Variants in IDE observed in about 807,000 individuals in gnomAD.
IDE encodes insulin degrading enzyme, also known as insulin-degrading enzyme.
In IDE, 58 loss-of-function variants were observed where a neutral mutation model predicts 133.2. The ratio of observed to expected loss-of-function variants is 0.44; its 90% CI spans 0.35 to 0.54. The LOEUF (loss-of-function observed/expected upper bound fraction) is 0.54. Ranked by LOEUF, IDE falls within the 20% of genes least tolerant of loss-of-function variation. The pLI is 0.00. For missense variants in IDE, 981 were observed against 1,234.0 expected (o/e 0.79, Z 3.07); for synonymous variants, 396 against 421.3 (o/e 0.94, Z 0.73).
chr10:92,530,619 C>T (rs1849871135), intron 4 of IDE, among the ~76,000 whole-genome samples: 1 of 152,146 alleles, frequency 6.6e-6, no homozygotes, highest in Non-Finnish European at 1.5e-5. Flanking sequence ...ACATTCCATT[C>T]TTGACATACC....
intron 4 of IDE, among the ~76,000 whole-genome samples, chr10:92,527,886 C>T (rs556898523): frequency 3.9e-5 from 6 of 152,164 alleles, no homozygotes; most frequent in South Asian, 4.1e-4. Context: ...CGTGGTGGCA[C>T]GTGCCTGTAA....
intron 13 of IDE, among the ~76,000 whole-genome samples, 166 bp downstream of exon 13, chr10:92,487,030 C>T (rs373801745): frequency 2.0e-5 from 3 of 152,146 alleles, no homozygotes; most frequent in Admixed American, 2.0e-4. Context: ...ATATTTTTAA[C>T]CTTCTAATAT....
At chr10:92,529,060 G>C (rs922363254) in intron 4 of IDE, among the ~76,000 whole-genome samples, 2 of 152,016 alleles carry the variant, frequency 1.3e-5, no homozygotes, top group Non-Finnish European at 2.9e-5. Context: ...CTGGACGACA[G>C]AGCAAGACTG....
At chr10:92,523,059 CT>C (rs1849315433) in intron 4 of IDE, among the ~76,000 whole-genome samples, 1 of 152,054 alleles carries the variant, frequency 6.6e-6, no homozygotes, top group East Asian at 1.9e-4. Context: ...AAAAAAATTA[CT>C]TATTAACTGA....
chr10:92,506,560 C>T, intron 9 of IDE, 38 bp from the exon 10 acceptor site: 2 of 982,816 alleles, frequency 2.0e-6, no homozygotes, highest in Non-Finnish European at 3.1e-6. Flanking sequence ...TACGGCCACC[C>T]TTATTTAGAA....
intron 1 of IDE, among the ~76,000 whole-genome samples, chr10:92,552,858 A>G (rs1031225324): frequency 1.9e-5 from 1 of 51,380 alleles, no homozygotes; most frequent in Non-Finnish European, 4.2e-5. Flanking sequence ...ACTCAGTCTC[A>G]AAAAAAAAAA....
intron 4 of IDE, among the ~76,000 whole-genome samples, chr10:92,515,560 C>CTT (rs770666032): frequency 1.9e-3 from 201 of 106,728 alleles, no homozygotes; most frequent in Non-Finnish European, 2.8e-3. Context: ...CGCACCCGGC[C>CTT]TTTTTTTTTT....
chr10:92,565,399 G>C (rs1723122650), intron 1 of IDE, among the ~76,000 whole-genome samples: 1 of 124,054 alleles, frequency 8.1e-6, no homozygotes, highest in Non-Finnish European at 1.6e-5. Context: ...AACACAGCGA[G>C]ACTCCATCTC....
At chr10:92,562,263 T>A (rs78436635) in intron 1 of IDE, among the ~76,000 whole-genome samples, 177 of 152,264 alleles carry the variant, frequency 1.2e-3, no homozygotes, top group Middle Eastern at 6.8e-3. Flanking sequence ...TCATACTCTC[T>A]AAAATAAAAG....
At chr10:92,534,992 T>C (rs1014037445) in intron 2 of IDE, among the ~76,000 whole-genome samples, 3 of 152,226 alleles carry the variant, frequency 2.0e-5, no homozygotes, top group East Asian at 3.8e-4. Flanking sequence ...GCTAATTAGT[T>C]GGTAACCTCA....
chr10:92,547,365 T>G (rs1317540373), intron 1 of IDE, among the ~76,000 whole-genome samples: 4 of 151,988 alleles, frequency 2.6e-5, no homozygotes, highest in Admixed American at 2.0e-4. Flanking sequence ...ATTACAGGCA[T>G]AAGCCACTGC....
At chr10:92,469,612 G>C (rs757107692) in intron 18 of IDE, among the ~76,000 whole-genome samples, 23 of 151,938 alleles carry the variant, frequency 1.5e-4, no homozygotes, top group Non-Finnish European at 2.8e-4. Context: ...ATTTTTTGTA[G>C]AGTTATGTTG....
At chr10:92,490,676 T>A in intron 11 of IDE, 81 bp from the exon 12 acceptor site, 1 of 829,938 alleles carries the variant, frequency 1.2e-6, no homozygotes, top group Non-Finnish European at 2.0e-6. Context: ...CTCAGGACAA[T>A]ATAAACAATA....
intron 1 of IDE, chr10:92,541,321 A>G (rs1430294535): frequency 2.1e-6 from 1 of 470,922 alleles, no homozygotes; most frequent in Non-Finnish European, 4.4e-6. Context: ...GAAGACAATG[A>G]CTGGGAACTC....
intron 11 of IDE, among the ~76,000 whole-genome samples, chr10:92,495,386 A>C (rs1053603846): frequency 6.6e-6 from 1 of 151,856 alleles, no homozygotes; most frequent in East Asian, 1.9e-4. Flanking sequence ...ATGCCTGGCT[A>C]ATTTTTGTAT....
intron 21 of IDE, among the ~76,000 whole-genome samples, chr10:92,462,476 G>T (rs553271527): frequency 3.7e-4 from 57 of 152,164 alleles, no homozygotes; most frequent in Non-Finnish European, 6.3e-4. Flanking sequence ...CAAAGTGGTG[G>T]CACATGCCTG....
At chr10:92,500,221 C>A (rs556993142) in intron 11 of IDE, among the ~76,000 whole-genome samples, 1 of 151,278 alleles carries the variant, frequency 6.6e-6, no homozygotes, top group South Asian at 2.1e-4. Flanking sequence ...CGCTTAAACT[C>A]GGGAGATGGA....
At chr10:92,554,448 G>T (rs1166343490) in intron 1 of IDE, among the ~76,000 whole-genome samples, 1 of 151,918 alleles carries the variant, frequency 6.6e-6, no homozygotes, top group Non-Finnish European at 1.5e-5. Context: ...GGGATGCTAA[G>T]GTAGAAAGGT....
intron 10 of IDE, among the ~76,000 whole-genome samples, chr10:92,505,278 T>G (rs1239165238): frequency 6.6e-6 from 1 of 152,194 alleles, no homozygotes; most frequent in Non-Finnish European, 1.5e-5. Flanking sequence ...GTACACACAT[T>G]TTTATGAACA....
Sources: allele counts gnomAD v4.1 joint callset (sites outside exome capture counted in the v4.1 genomes callset), GRCh38; gene constraint gnomAD v4.1.1; transcripts MANE v1.5; gene names NCBI Gene and HGNC (gene_info 2026-07-23, HGNC 2026-07-21).